The following TAT variants were observed in gnomAD, a reference collection of about 807,000 sequenced individuals.
TAT encodes the protein tyrosine aminotransferase, also known as L-tyrosine:2-oxoglutarate aminotransferase.
Under a neutral mutation model 53.6 loss-of-function variants are expected in TAT, and 35 were observed. The observed-to-expected ratio is 0.65, with a 90% CI of 0.50 to 0.87. The LOEUF (loss-of-function observed/expected upper bound fraction) is 0.87. Among genes scored for constraint, TAT ranks in the 40% least tolerant of loss-of-function variants. The probability of loss-of-function intolerance (pLI) is 0.00; values close to 1 mark genes in which losing one functional copy is unlikely to be tolerated. For missense variants in TAT, 525 were observed against 571.8 expected (o/e 0.92, Z 0.83); for synonymous variants, 197 against 206.5 (o/e 0.95, Z 0.39).
rs1006487353 is a variant in TAT at position 71,571,765 on chromosome 16, A to G, written c.707-107T>C. 14 of 1,112,394 alleles carry G rather than the reference A, an allele frequency of 1.3e-5. No individual in the cohort carries two copies. In the Admixed American group the frequency reaches 1.5e-4, roughly 12 times the overall value. The allele number at this position is 1,112,394 out of a possible 1,614,324, so 68.9% of individuals were successfully genotyped here. ...TATCCCGTAATATTAAGAAGTTACAATTCTTAAAGAGAAAGACAAAAAGCA... is the reference window on the plus strand; with the variant it reads ...TATCCCGTAATATTAAGAAGTTACAGTTCTTAAAGAGAAAGACAAAAAGCA... On this transcript the variant is annotated intron_variant, in intron 6 of 11. Transcript: ENST00000355962.
At chr16:71,570,187 G>A in intron 9 of TAT, 82 bp downstream of exon 9, 1 of 1,604,432 alleles carries the variant, frequency 6.2e-7, no homozygotes, top group South Asian at 1.1e-5. Context: ...GCTCCAGAAA[G>A]GAGAACCAAT....
chr16:71,573,892 G>C (rs1282405961), intron 3 of TAT, among the ~76,000 whole-genome samples: 2 of 151,766 alleles, frequency 1.3e-5, no homozygotes, highest in Non-Finnish European at 2.9e-5. Flanking sequence ...TGTTGCCCAG[G>C]CTGATTTCAC....
In TAT at chr16:71,570,282, A is replaced by T. The variant is rs369341210; in HGVS notation, c.1028T>A (p.Leu343Gln). The change falls in exon 9 of 12, where the codon CTG becomes CAG. Residue 343 changes from leucine to glutamine, a missense_variant. Leu to Gln is a moderately radical substitution (Grantham distance 113). Transcript: ENST00000355962. ...RTPGEFYHNT[L>Q]SFLKSNADLC... ...AGCTGCCCTTACCTTGAGGAAGCTC[A>T]GAGTGTTGTGGTAAAACTCTCCCGG... 1 of 1,614,222 alleles carries T rather than the reference A, an allele frequency of 6.2e-7. No individual in the cohort carries two copies. The highest frequency in any genetic ancestry group is 8.5e-7 in the Non-Finnish European group (1 of 1,180,042).
Position 71,567,766 on chromosome 16 carries a change from T to C in TAT, c.*378A>G. ...CTTTCTTAGAGTCTGAGGAAATGGT[T>C]GGGGGCACAAATTCTCTCAATCTTT... On this transcript the variant is annotated 3_prime_UTR_variant, in exon 12 of 12. Transcript: ENST00000355962. 11 of 315,018 alleles carry C rather than the reference T, an allele frequency of 3.5e-5. No homozygotes were observed. The highest frequency in any genetic ancestry group is 8.8e-5 in the South Asian group (3 of 34,068). 19.5% of individuals were successfully genotyped at this position (315,018 alleles called of 1,614,324 possible).
At chr16:71,570,953 C>T in intron 7 of TAT, 122 bp from the exon 8 acceptor site, 1 of 1,230,704 alleles carries the variant, frequency 8.1e-7, no homozygotes, top group Non-Finnish European at 1.2e-6. Context: ...ATGGGATCAT[C>T]CCTACCCTGA....
At position 71,576,186 on chromosome 16, in the gene TAT, G is replaced by C. The variant is rs761596094; in HGVS notation, c.230C>G (p.Ser77Cys). Residue 77 changes from serine to cysteine, a missense_variant, in exon 2 of 12, where the codon TCC (serine) becomes TGC (cysteine). By Grantham distance (112) the Ser-to-Cys change is moderately radical. Coordinates refer to ENST00000355962, the MANE Select transcript of TAT (RefSeq NM_000353.3). ...CAGTAGTGTCCCCAACTCACCAATG[G>C]ACAGGGAAATCATGGTTTTGTTTGG... Reference protein sequence around the residue: ...PNPNKTMISLSIGDPTVFGNL... With the variant: ...PNPNKTMISLCIGDPTVFGNL... 6 of 1,613,802 alleles carry C rather than the reference G, an allele frequency of 3.7e-6. No individual in the cohort carries two copies. The highest frequency in any genetic ancestry group is 5.1e-6 in the Non-Finnish European group (6 of 1,179,898).
At chr16:71,574,248 C>A (rs2044222352) in intron 3 of TAT, among the ~76,000 whole-genome samples, 1 of 152,206 alleles carries the variant, frequency 6.6e-6, no homozygotes, top group Admixed American at 6.5e-5. Context: ...ACAAGGATTT[C>A]TATTATTCCC....
chr16:71,576,533 C>A, intron 1 of TAT, 106 bp from the exon 2 acceptor site: 1 of 933,298 alleles, frequency 1.1e-6, no homozygotes, highest in South Asian at 1.4e-5. Context: ...AAGTGTCTTT[C>A]CAAACTCTCT....
Position 71,572,336 on chromosome 16 carries a change from G to A in TAT, c.568-12C>T. The A allele has an allele frequency of 1.9e-6, 3 of 1,614,148 alleles. No individual in the cohort carries two copies. Among genetic ancestry groups the A allele is most frequent in the Middle Eastern group, 1.6e-4 (1 of 6,062 alleles). ...CAAGATTTCTCTGGCTGGAGAGAAAGAAAGGATGAGACTAAGATGATTCTG... is the reference window on the plus strand; with the variant it reads ...CAAGATTTCTCTGGCTGGAGAGAAAAAAAGGATGAGACTAAGATGATTCTG... On this transcript the variant is annotated splice_polypyrimidine_tract_variant and intron_variant, in intron 5 of 11. Coordinates refer to ENST00000355962, the MANE Select transcript of TAT (RefSeq NM_000353.3).
intron 7 of TAT, 46 bp from the exon 8 acceptor site, chr16:71,570,877 C>T: frequency 1.2e-6 from 2 of 1,601,748 alleles, no homozygotes; most frequent in Non-Finnish European, 1.7e-6. Flanking sequence ...CTACTTCTCA[C>T]TGCAATCCCA....
At position 71,573,486 on chromosome 16, in the gene TAT, A is replaced by G. The variant is rs576815892; in HGVS notation, c.408+53T>C. ...TCTTGTGGAACAGAAACAAGTAAAA[A>G]GGGATAGTTTGCCCTAAATTGCTTC... On this transcript the variant is annotated intron_variant, in intron 4 of 11. Transcript: ENST00000355962. 5 of 1,464,656 alleles carry G rather than the reference A, an allele frequency of 3.4e-6. No homozygotes were observed. The African/African-American group carries it at 4.2e-5, about 12-fold the overall frequency. 90.7% of individuals were successfully genotyped at this position (1,464,656 alleles called of 1,614,324 possible). A position where few individuals can be genotyped will look rare whatever the true frequency, so the allele number is the denominator to read the frequency against.
rs1461249771 is a variant in TAT at position 71,572,573 on chromosome 16, A to C, written c.524T>G (p.Leu175Arg). The C allele has an allele frequency of 6.2e-7, 1 of 1,614,262 alleles. No homozygotes were observed. The highest frequency in any genetic ancestry group is 8.5e-7 in the Non-Finnish European group (1 of 1,180,034). ...PRPGFSLYKT[L>R]AESMGIEVKL... ...GACCTCAATTCCCATAGACTCAGCC[A>C]GAGTCTTGTAGAGAGAGAAACCAGG... Residue 175 changes from leucine (L) to arginine (R), a missense_variant, in exon 5 of 12, where the codon CTG becomes CGG. Leu to Arg is a moderately radical substitution (Grantham distance 102, BLOSUM62 -2). Transcript: ENST00000355962.
At chr16:71,575,058 G>A (rs11648913) in intron 3 of TAT, 1 of 152,150 alleles carries the variant, frequency 6.6e-6, no homozygotes, top group Non-Finnish European at 1.5e-5. Context: ...AAAGTCATTA[G>A]AAACTTTTTT....
intron 7 of TAT, 61 bp from the exon 8 acceptor site, chr16:71,570,892 C>A (rs530854182): frequency 6.3e-7 from 1 of 1,577,552 alleles, no homozygotes; most frequent in Non-Finnish European, 8.6e-7. Context: ...ATCCCAGATC[C>A]CGTGGCTCCC....
Position 71,569,305 on chromosome 16 carries a change from A to G in TAT, c.1126-496T>C, listed in dbSNP as rs138197886. 3.9e-4 allele frequency among the ~76,000 whole-genome samples: 59 copies of G among 152,254 alleles called. No homozygotes were observed. The Middle Eastern group carries it at 0.031, about 79-fold the overall frequency. ...TTAAATCTTCCCTGTATCTACATAT[A>G]TAAAATGATTCTCTGTACTGAAAAA... On this transcript the variant is annotated intron_variant, in intron 10 of 11. Coordinates refer to ENST00000355962, the MANE Select transcript of TAT (RefSeq NM_000353.3).
intron 2 of TAT, 22 bp from the exon 3 acceptor site, chr16:71,576,048 A>G (rs368595359): frequency 7.4e-6 from 12 of 1,613,314 alleles, no homozygotes; most frequent in Non-Finnish European, 1.0e-5. Flanking sequence ...AGGAAAACAC[A>G]AAAGGAGCCA....
chr16:71,576,088 G>A (rs1221459498), intron 2 of TAT, 62 bp from the exon 3 acceptor site: 4 of 1,608,854 alleles, frequency 2.5e-6, no homozygotes, highest in Admixed American at 1.7e-5. Context: ...TCAGTACTCA[G>A]ACTCACCCCC....
At chr16:71,576,131 T>C (rs778247040) in intron 2 of TAT, 50 bp downstream of exon 2, 2 of 1,600,390 alleles carry the variant, frequency 1.2e-6, no homozygotes, top group East Asian at 2.2e-5. Flanking sequence ...CCTGTGAACA[T>C]GAGAGTAGAG....
At chr16:71,574,422 A>T (rs2044223397) in intron 3 of TAT, among the ~76,000 whole-genome samples, 1 of 152,120 alleles carries the variant, frequency 6.6e-6, no homozygotes, top group Non-Finnish European at 1.5e-5. Flanking sequence ...CTCTACTAAA[A>T]ATACAAAAAT....
Sources: gnomAD v4.1 joint callset for allele counts (sites outside exome capture counted in the v4.1 genomes callset) on GRCh38, gnomAD v4.1.1 for gene constraint, MANE v1.5 for transcripts, NCBI Gene and HGNC (gene_info 2026-07-23, HGNC 2026-07-21) for gene names.